ADGRE1: variants seen among roughly 807,000 people sequenced by gnomAD.
The protein encoded by ADGRE1 is EGF-like module receptor 1.
ADGRE1 carries 82 observed loss-of-function variants against 102.7 expected under a neutral mutation model. The observed-to-expected ratio is 0.80, with a 90% CI of 0.67 to 0.96. The LOEUF (loss-of-function observed/expected upper bound fraction) is 0.96. ADGRE1 is among the 40% of genes least tolerant of loss of function. ADGRE1 has a pLI of 0.00. For missense variants in ADGRE1, 1,032 were observed against 1,085.3 expected, an observed-to-expected ratio of 0.95 and a Z score of 0.69; for synonymous variants, 398 against 399.6, an observed-to-expected ratio of 1.00 and a Z score of 0.05.
At chr19:6,915,362 T>G (rs773612162) in intron 11 of ADGRE1, among the ~76,000 whole-genome samples, 70 of 152,196 alleles carry the variant, frequency 4.6e-4, no homozygotes, top group Non-Finnish European at 8.1e-4. Flanking sequence ...GGTATGGTAT[T>G]ATCTGGCTTA....
chr19:6,937,314 T>C lies in ADGRE1; in HGVS notation c.2453T>C (p.Ile818Thr), dbSNP rs907066504. 6.2e-7 allele frequency: 1 copy of C among 1,614,096 alleles called. No homozygotes were observed. Among genetic ancestry groups the C allele is most frequent in the African/African-American group, 1.3e-5 (1 of 75,024 alleles). Reference sequence around the variant, plus strand: ...TCCTGGGTGCTGGGCATTTTTCAGATTGGACCTGTGGCAGGTGTCATGGCT... The same window carrying C: ...TCCTGGGTGCTGGGCATTTTTCAGACTGGACCTGTGGCAGGTGTCATGGCT... ...GCSWVLGIFQ[I>T]GPVAGVMAYL... is the part of the protein sequence containing the mutation. The change falls in exon 19 of 21, where the codon ATT (isoleucine) becomes ACT (threonine). Residue 818 changes from isoleucine (I) to threonine (T), a missense_variant. Physicochemically the swap from Ile to Thr is moderately conservative, Grantham distance 89. Transcript: ENST00000312053.
At chr19:6,922,065 G>C (rs996885372) in intron 14 of ADGRE1, among the ~76,000 whole-genome samples, 182 bp downstream of exon 14, 19 of 152,150 alleles carry the variant, frequency 1.2e-4, no homozygotes, top group African/African-American at 3.6e-4. Flanking sequence ...TGGTTGGGAG[G>C]CCATGAAACT....
Position 6,897,552 on chromosome 19 carries a change from C to A in ADGRE1, c.514+5C>A, listed in dbSNP as rs766892779. 2.0e-6 allele frequency: 3 copies of A among 1,538,120 alleles called. No individual in the cohort carries two copies. The highest frequency in any genetic ancestry group is 2.2e-5 in the Admixed American group (1 of 45,020). On this transcript the variant is annotated splice_donor_5th_base_variant and intron_variant, in intron 5 of 20. Transcript: ENST00000312053. ...CTAGAAACTCCACCTGTGAAGGTAT[C>A]CATGACCATCTCTTTATTATTTACC...
At chr19:6,903,764 T>C in intron 6 of ADGRE1, 46 bp from the exon 7 acceptor site, 5 of 1,606,262 alleles carry the variant, frequency 3.1e-6, no homozygotes, top group Non-Finnish European at 2.6e-6. Context: ...ATGATTTTGT[T>C]GGCTCATTGG....
intron 2 of ADGRE1, among the ~76,000 whole-genome samples, chr19:6,894,221 G>A (rs1301217958): frequency 1.3e-5 from 2 of 152,086 alleles, no homozygotes; most frequent in Non-Finnish European, 2.9e-5. Flanking sequence ...TCTTGGAAGG[G>A]TCTGTTATTC....
intron 12 of ADGRE1, among the ~76,000 whole-genome samples, chr19:6,918,519 G>C (rs1974492023): frequency 6.6e-6 from 1 of 152,084 alleles, no homozygotes. Context: ...TGAAGCCTGG[G>C]GGTTGGTACT....
chr19:6,926,996 C>T, intron 16 of ADGRE1, among the ~76,000 whole-genome samples: 1 of 150,352 alleles, frequency 6.7e-6, no homozygotes, highest in Admixed American at 6.7e-5. Flanking sequence ...GAGGCGGAGG[C>T]TGCAGTGAGA....
At chr19:6,898,345 C>A (rs1330107628) in intron 5 of ADGRE1, 1 of 1,597,436 alleles carries the variant, frequency 6.3e-7, no homozygotes, top group Non-Finnish European at 8.6e-7. Flanking sequence ...GCCCTGTGGT[C>A]CTAATTCATC....
Position 6,898,583 on chromosome 19 carries a change from C to T in ADGRE1, c.514+1036C>T, listed in dbSNP as rs1360214922. The T allele has an allele frequency of 6.7e-6, 10 of 1,487,870 alleles. No homozygotes were observed. The Admixed American group carries it at 1.8e-4, about 27-fold the overall frequency. 92.2% of individuals were successfully genotyped at this position (1,487,870 alleles called of 1,614,324 possible). ...CTGCTCACCCTCTTTCACTGCTTTG[C>T]AAATATCAGTGAGTCCCTCACCAGC... On this transcript the variant is annotated intron_variant, in intron 5 of 20. Transcript: ENST00000312053.
rs188274371 is a variant in ADGRE1, at chr19:6,938,011, T to A, written c.2655+363T>A. Among the ~76,000 whole-genome samples the A allele has an allele frequency of 4.8e-3, 721 of 151,350 alleles. 7 individuals are homozygous for A. Among genetic ancestry groups the A allele is most frequent in the African/African-American group, 0.015 (632 of 41,360 alleles). ...TATTATATACATATAATGTATAATA[T>A]TATATACATATAAATGTAAGATGTA... On this transcript the variant is annotated intron_variant, in intron 20 of 20. Coordinates refer to ENST00000312053, the MANE Select transcript of ADGRE1 (RefSeq NM_001974.5).
At chr19:6,903,578 A>G (rs766834320) in intron 6 of ADGRE1, among the ~76,000 whole-genome samples, 3 of 152,160 alleles carry the variant, frequency 2.0e-5, no homozygotes, top group Non-Finnish European at 4.4e-5. Context: ...GAGAGAAGTC[A>G]CACCCACTTC....
intron 5 of ADGRE1, among the ~76,000 whole-genome samples, chr19:6,899,935 A>G (rs1973705445): frequency 6.6e-6 from 1 of 151,166 alleles, no homozygotes; most frequent in Non-Finnish European, 1.5e-5. Context: ...TACTAAAAAT[A>G]CAAAAAAAAA....
intron 20 of ADGRE1, among the ~76,000 whole-genome samples, chr19:6,938,112 A>G (rs8100461): frequency 0.49 from 73,801 of 151,760 alleles, 18,794 homozygotes; most frequent in East Asian, 0.69. Context: ...TAAGGTGGGC[A>G]GATTACCTGA....
intron 18 of ADGRE1, among the ~76,000 whole-genome samples, chr19:6,935,589 C>T (rs895348082): frequency 2.0e-5 from 3 of 151,960 alleles, no homozygotes; most frequent in Non-Finnish European, 4.4e-5. Flanking sequence ...TAAGTCATAC[C>T]ATATTCATGG....
chr19:6,927,985 A>G (rs3895916), intron 16 of ADGRE1, among the ~76,000 whole-genome samples, 160 bp from the exon 17 acceptor site: 82,749 of 151,972 alleles, frequency 0.54, 25,199 homozygotes, highest in African/African-American at 0.82. Context: ...GAGGAAGCGC[A>G]GTGATCTAAA....
chr19:6,916,121 G>A, intron 11 of ADGRE1, 128 bp from the exon 12 acceptor site: 1 of 1,016,764 alleles, frequency 9.8e-7, no homozygotes, highest in East Asian at 2.6e-5. Flanking sequence ...TCTTTCCTAT[G>A]ATGAATTGAA....
chr19:6,931,746 C>T (rs185745954), intron 17 of ADGRE1, among the ~76,000 whole-genome samples: 4 of 150,812 alleles, frequency 2.7e-5, no homozygotes, highest in African/African-American at 2.4e-5. Context: ...TGCAGTGAGC[C>T]GAGATAACAT....
chr19:6,901,788 CA>C lies in ADGRE1; in HGVS notation c.515-85del, dbSNP rs1973772299. On this transcript the variant is annotated intron_variant, in intron 5 of 20. Transcript: ENST00000312053. ...AGCATCAGCCCTGTCTGCTGAAAATCAACACTCAGAGTGCATCTCCTATTTG... is the reference window on the plus strand; with the variant it reads ...AGCATCAGCCCTGTCTGCTGAAAATCACACTCAGAGTGCATCTCCTATTTG... The C allele has an allele frequency of 3.0e-5, 42 of 1,408,220 alleles. No individual in the cohort carries two copies. In the East Asian group the frequency reaches 9.7e-4, roughly 32 times the overall value. 87.2% of individuals were successfully genotyped at this position (1,408,220 alleles called of 1,614,324 possible).
chr19:6,910,014 G>A (rs1170962055), intron 10 of ADGRE1, among the ~76,000 whole-genome samples: 1 of 152,112 alleles, frequency 6.6e-6, no homozygotes, highest in Non-Finnish European at 1.5e-5. Context: ...GATTAGAGGT[G>A]TGAGCCACCA....
Sources: gnomAD v4.1 joint callset for allele counts (sites outside exome capture counted in the v4.1 genomes callset) on GRCh38, gnomAD v4.1.1 for gene constraint, MANE v1.5 for transcripts, NCBI Gene and HGNC (gene_info 2026-07-23, HGNC 2026-07-21) for gene names.